KCNN3: variants seen among roughly 807,000 people sequenced by gnomAD.
The protein encoded by KCNN3 is small conductance calcium-activated potassium channel protein 3.
Under a neutral mutation model 62.9 loss-of-function variants are expected in KCNN3, and 16 were observed. The observed-to-expected ratio is 0.25, with a 90% CI of 0.17 to 0.39. The LOEUF (loss-of-function observed/expected upper bound fraction) is 0.39. KCNN3 is among the 10% of genes least tolerant of loss of function. The pLI is 1.00. For synonymous variants in KCNN3, 370 were observed against 389.2 expected, an observed-to-expected ratio of 0.95 and a Z score of 0.58; for missense variants, 599 against 949.4, an observed-to-expected ratio of 0.63 and a Z score of 4.85.
chr1:154,801,479 G>C (rs1290410175), intron 2 of KCNN3, among the ~76,000 whole-genome samples: 2 of 152,172 alleles, frequency 1.3e-5, no homozygotes, highest in Non-Finnish European at 2.9e-5. Context: ...TCTTCCCCAA[G>C]AGCCTACGCC....
intron 3 of KCNN3, among the ~76,000 whole-genome samples, chr1:154,770,796 C>T (rs1036593447): frequency 6.6e-6 from 1 of 152,150 alleles, no homozygotes; most frequent in Non-Finnish European, 1.5e-5. Context: ...GTGGCTCACG[C>T]CTGTAATCCC....
At chr1:154,812,204 T>C (rs568278405) in intron 2 of KCNN3, among the ~76,000 whole-genome samples, 1 of 152,230 alleles carries the variant, frequency 6.6e-6, no homozygotes, top group Non-Finnish European at 1.5e-5. Context: ...GGATTAACTT[T>C]GAAAAAGTCA....
At chr1:154,765,786 GTTTTTTTTGGT>G (rs951379631) in intron 3 of KCNN3, among the ~76,000 whole-genome samples, 2 of 142,006 alleles carry the variant, frequency 1.4e-5, no homozygotes, top group Non-Finnish European at 3.2e-5. Flanking sequence ...CCCGGCTAAT[GTTTTTTTTGGT>G]TTTTTTTTGT....
chr1:154,731,421 AAGG>A (rs548132143), intron 4 of KCNN3, among the ~76,000 whole-genome samples: 33 of 152,318 alleles, frequency 2.2e-4, no homozygotes, highest in African/African-American at 7.7e-4. Context: ...TGGAGTCAGA[AAGG>A]AGGAGAGAGC....
At chr1:154,735,344 T>G (rs1700688997) in intron 3 of KCNN3, among the ~76,000 whole-genome samples, 1 of 152,164 alleles carries the variant, frequency 6.6e-6, no homozygotes, top group South Asian at 2.1e-4. Flanking sequence ...GGAGACCCAG[T>G]GGGTGGCACA....
At chr1:154,801,260 T>C (rs867666008) in intron 2 of KCNN3, among the ~76,000 whole-genome samples, 50 of 152,264 alleles carry the variant, frequency 3.3e-4, no homozygotes, top group African/African-American at 1.1e-3. Context: ...AGAAGGCCGT[T>C]TGCATTCTGA....
At chr1:154,832,593 G>A (rs1438392786) in intron 1 of KCNN3, among the ~76,000 whole-genome samples, 1 of 152,128 alleles carries the variant, frequency 6.6e-6, no homozygotes, top group Admixed American at 6.5e-5. Flanking sequence ...CCAGATTGCA[G>A]GAACCCCCAT....
At chr1:154,860,094 C>T (rs1170653882) in intron 1 of KCNN3, among the ~76,000 whole-genome samples, 4 of 152,216 alleles carry the variant, frequency 2.6e-5, no homozygotes, top group Non-Finnish European at 5.9e-5. Flanking sequence ...TGCTGCCTGC[C>T]CCCTGGCACC....
intron 2 of KCNN3, among the ~76,000 whole-genome samples, chr1:154,808,635 T>C (rs1356639431): frequency 6.6e-6 from 1 of 152,114 alleles, no homozygotes; most frequent in South Asian, 2.1e-4. Flanking sequence ...CTGAATGAAT[T>C]AATCACCTTT....
chr1:154,749,577 A>G (rs1347427818), intron 3 of KCNN3, among the ~76,000 whole-genome samples: 1 of 152,228 alleles, frequency 6.6e-6, no homozygotes, highest in Non-Finnish European at 1.5e-5. Context: ...TTTCCCTGCC[A>G]CAGAGAAGAC....
intron 1 of KCNN3, among the ~76,000 whole-genome samples, chr1:154,843,530 T>C (rs1651920627): frequency 6.6e-6 from 1 of 152,124 alleles, no homozygotes; most frequent in African/African-American, 2.4e-5. Context: ...CCTCCCAAAG[T>C]GCAGGGATTA....
Position 154,771,901 on chromosome 1 carries a change from C to G in KCNN3, c.1448+74G>C. 2.0e-6 allele frequency: 3 copies of G among 1,472,486 alleles called. 1 individual carries two copies. In the East Asian group the frequency reaches 6.8e-5, roughly 33 times the overall value. The allele number at this position is 1,472,486 out of a possible 1,614,324, so 91.2% of individuals were successfully genotyped here. Reference sequence around the variant, plus strand: ...GTCTCCTCCATCAGACCACATACTTCCTGGCACCCCTACTCCTCCTCCCTT... The same window carrying G: ...GTCTCCTCCATCAGACCACATACTTGCTGGCACCCCTACTCCTCCTCCCTT... On this transcript the variant is annotated intron_variant, in intron 3 of 7. Coordinates refer to ENST00000271915, the MANE Select transcript of KCNN3 (RefSeq NM_002249.6).
intron 5 of KCNN3, among the ~76,000 whole-genome samples, chr1:154,719,717 C>T (rs1380779180): frequency 6.6e-6 from 1 of 152,120 alleles, no homozygotes; most frequent in Non-Finnish European, 1.5e-5. Context: ...TTCCTCTTTC[C>T]CATTTGCCAA....
At chr1:154,732,462 A>C (rs1571220842) in intron 4 of KCNN3, among the ~76,000 whole-genome samples, 1 of 152,332 alleles carries the variant, frequency 6.6e-6, no homozygotes, top group East Asian at 1.9e-4. Flanking sequence ...AGGTGGAAGC[A>C]GAAGCCTGGG....
intron 1 of KCNN3, among the ~76,000 whole-genome samples, chr1:154,854,889 T>C (rs1482973226): frequency 6.6e-6 from 1 of 152,192 alleles, no homozygotes; most frequent in African/African-American, 2.4e-5. Flanking sequence ...TATAATGTGT[T>C]TGTGTTATTA....
In KCNN3 at chr1:154,862,961, C is replaced by T. The variant is rs192629726; in HGVS notation, c.933+6071G>A. 3.7e-3 allele frequency among the ~76,000 whole-genome samples: 563 copies of T among 152,286 alleles called. 5 individuals carry two copies. Among genetic ancestry groups the T allele is most frequent in the African/African-American group, 0.013 (526 of 41,550 alleles). On this transcript the variant is annotated intron_variant, in intron 1 of 7. Coordinates refer to ENST00000271915, the MANE Select transcript of KCNN3 (RefSeq NM_002249.6). This position sits in a 1 kb window ranked among gnomAD's most constrained non-coding sequence, Gnocchi z 4.1. Reference sequence around the variant, plus strand: ...TGGGTTCTTATCTCAGTGCCACCACCGCTGGCAGTGTCAGTGTGGCCCGGT... The same window carrying T: ...TGGGTTCTTATCTCAGTGCCACCACTGCTGGCAGTGTCAGTGTGGCCCGGT...
At chr1:154,822,331 C>A (rs1650936445) in intron 1 of KCNN3, 147 bp from the exon 2 acceptor site, 1 of 704,492 alleles carries the variant, frequency 1.4e-6, no homozygotes, top group East Asian at 2.7e-5. Flanking sequence ...ACAAAGTCAG[C>A]CTGAGCCCCA....
chr1:154,802,204 T>C (rs913383568), intron 2 of KCNN3, among the ~76,000 whole-genome samples: 3 of 152,138 alleles, frequency 2.0e-5, no homozygotes, highest in Non-Finnish European at 4.4e-5. Context: ...AAACAACTAG[T>C]CCAACAGCTA....
chr1:154,734,505 G>T (rs902488665), intron 3 of KCNN3, among the ~76,000 whole-genome samples: 2 of 152,224 alleles, frequency 1.3e-5, no homozygotes, highest in Non-Finnish European at 2.9e-5. Context: ...ATTCGCTGCC[G>T]TCATCAGGAA....
Sources: allele counts gnomAD v4.1 joint callset (sites outside exome capture counted in the v4.1 genomes callset), GRCh38; gene constraint gnomAD v4.1.1; non-coding constraint Gnocchi (gnomAD v3.1); transcripts MANE v1.5; gene names NCBI Gene and HGNC (gene_info 2026-07-23, HGNC 2026-07-21).